Variants in TENM4 observed in about 807,000 individuals in gnomAD.
TENM4 encodes teneurin-4.
A neutral mutation model predicts 243.3 loss-of-function variants in TENM4; 82 were observed. That is an observed-to-expected ratio of 0.34 (90% CI 0.28 to 0.40). TENM4 has a LOEUF of 0.40. TENM4 is among the 10% of genes least tolerant of loss of function. The pLI is 1.00. For synonymous variants in TENM4, 1,412 were observed against 1,456.3 expected (o/e 0.97, Z 0.69); for missense variants, 3,138 against 3,673.3 (o/e 0.85, Z 3.77).
intron 3 of TENM4, chr11:79,191,536 G>A (rs1158821490): frequency 3.7e-5 from 6 of 162,110 alleles, no homozygotes; most frequent in East Asian, 2.0e-4. Flanking sequence ...TGCAGCCTCT[G>A]CCCGGCCGCC....
chr11:78,749,358 C>CCT (rs1555075217), intron 19 of TENM4: 6 of 144,404 alleles, frequency 4.2e-5, no homozygotes, highest in Admixed American at 6.9e-5. Context: ...TCTTTCTTTC[C>CCT]TTTTTTTTTT....
At chr11:78,697,721 G>A (rs1356445240) in intron 28 of TENM4, among the ~76,000 whole-genome samples, 2 of 152,170 alleles carry the variant, frequency 1.3e-5, no homozygotes, top group East Asian at 3.9e-4. Flanking sequence ...AGTAGTTAAG[G>A]TGAGCATAAT....
chr11:78,854,377 CG>C, intron 11 of TENM4, 63 bp from the exon 12 acceptor site: 1 of 1,392,622 alleles, frequency 7.2e-7, no homozygotes. Flanking sequence ...GCGTCCTTCC[CG>C]GGGCTTCTCC....
At chr11:79,071,789 G>T (rs1044643853) in intron 4 of TENM4, among the ~76,000 whole-genome samples, 1 of 152,058 alleles carries the variant, frequency 6.6e-6, no homozygotes, top group Non-Finnish European at 1.5e-5. Flanking sequence ...TATTATAGAT[G>T]AAGCTACAGT....
chr11:79,061,399 A>G (rs772017047), intron 6 of TENM4, among the ~76,000 whole-genome samples: 5 of 152,092 alleles, frequency 3.3e-5, no homozygotes, highest in Non-Finnish European at 7.3e-5. Flanking sequence ...TCCTCTGCCC[A>G]CCCGTCTACC....
At chr11:79,341,153 C>T (rs575328369) in intron 1 of TENM4, among the ~76,000 whole-genome samples, 1 of 152,144 alleles carries the variant, frequency 6.6e-6, no homozygotes, top group South Asian at 2.1e-4. Context: ...CCAGCCCTGC[C>T]AACGCCTTTA....
chr11:79,107,860 AT>A (rs1330089458), intron 4 of TENM4, among the ~76,000 whole-genome samples: 1 of 152,218 alleles, frequency 6.6e-6, no homozygotes, highest in Non-Finnish European at 1.5e-5. Flanking sequence ...AGGACCCTGG[AT>A]TGGGAAAATC....
intron 1 of TENM4, among the ~76,000 whole-genome samples, chr11:79,404,734 A>G (rs1353416477): frequency 1.3e-5 from 2 of 152,244 alleles, no homozygotes; most frequent in African/African-American, 4.8e-5. Flanking sequence ...TGATTGGAAC[A>G]TACCCACCTG....
chr11:79,067,927 G>C (rs1011750636), intron 5 of TENM4: 2 of 152,142 alleles, frequency 1.3e-5, no homozygotes, highest in Non-Finnish European at 2.9e-5. Context: ...ACCTTCAAAG[G>C]ATTTTTGAGG....
chr11:78,863,052 T>C lies in TENM4; in HGVS notation c.1165A>G (p.Ser389Gly), dbSNP rs918147101. 1.3e-6 allele frequency: 2 copies of C among 1,539,036 alleles called. No homozygotes were observed. Among genetic ancestry groups the C allele is most frequent in the African/African-American group, 2.7e-5 (2 of 72,990 alleles). ...GAGACGTCGGTTGGCACAGGCCAACTGCTGGCTGTGTCCTCCGTGATCTCA... is the reference window on the plus strand; with the variant it reads ...GAGACGTCGGTTGGCACAGGCCAACCGCTGGCTGTGTCCTCCGTGATCTCA... ...MYEITEDTASSWPVPTDVSLY... is the reference protein window; with the variant it reads ...MYEITEDTASGWPVPTDVSLY... The change falls in exon 10 of 34, where the codon AGT becomes GGT. Residue 389 changes from serine (S) to glycine (G), a missense_variant. Ser to Gly is a moderately conservative substitution (Grantham distance 56). This residue lies in a region of TENM4 where 671 missense variants were observed against 614.1 expected (regional missense o/e 1.09). Coordinates refer to ENST00000278550, the MANE Select transcript of TENM4 (RefSeq NM_001098816.3).
intron 2 of TENM4, among the ~76,000 whole-genome samples, chr11:79,240,008 C>T (rs12795695): frequency 0.18 from 26,715 of 152,060 alleles, 2,489 homozygotes; most frequent in East Asian, 0.33. Context: ...CCTTTCCAAA[C>T]GCAAGGTACT....
At position 79,064,842 on chromosome 11, in the gene TENM4, C is replaced by T. The variant is rs955778763; in HGVS notation, c.389G>A (p.Arg130His). 2.3e-5 allele frequency: 35 copies of T among 1,551,336 alleles called. No homozygotes were observed. Among genetic ancestry groups the T allele is most frequent in the Middle Eastern group, 1.7e-4 (1 of 6,014 alleles). Residue 130 changes from arginine (R) to histidine (H), a missense_variant, in exon 6 of 34, where the codon CGT (arginine) becomes CAT (histidine). By Grantham distance (29) the Arg-to-His change is conservative. Coordinates refer to ENST00000278550, the MANE Select transcript of TENM4 (RefSeq NM_001098816.3). ...TGACCGTGTGCTCCGGCCCCACAGA[C>T]GCACGGGGTGCTCAGGGGACAGCAC... ...DTVLSPEHPV[R>H]LWGRSTRSGR... is the part of the protein sequence containing the mutation.
At chr11:78,942,320 G>A (rs35528092) in intron 6 of TENM4, among the ~76,000 whole-genome samples, 10 of 123,766 alleles carry the variant, frequency 8.1e-5, no homozygotes, top group South Asian at 2.8e-4. Flanking sequence ...GGTGGCATGC[G>A]CCTGTAGTTC....
At chr11:79,101,147 G>A (rs1308488864) in intron 4 of TENM4, among the ~76,000 whole-genome samples, 2 of 152,178 alleles carry the variant, frequency 1.3e-5, no homozygotes, top group Non-Finnish European at 2.9e-5. Flanking sequence ...TGTTTCTTAA[G>A]CTAGCTGGTG....
intron 2 of TENM4, among the ~76,000 whole-genome samples, chr11:79,292,624 G>A (rs1014257114): frequency 2.6e-5 from 4 of 152,196 alleles, no homozygotes; most frequent in East Asian, 1.9e-4. Context: ...CATGGGCATC[G>A]GCTGTGGCTA....
intron 6 of TENM4, among the ~76,000 whole-genome samples, chr11:78,918,231 C>T (rs561417542): frequency 2.4e-4 from 36 of 152,222 alleles, no homozygotes; most frequent in African/African-American, 4.8e-4. Flanking sequence ...CTGTGGTCCT[C>T]GTCAATGCCC....
Position 79,440,245 on chromosome 11 carries a change from C to A in TENM4, c.-321+264G>T, listed in dbSNP as rs1020234684. Among the ~76,000 whole-genome samples, 1 of 152,108 alleles carries A rather than the reference C, an allele frequency of 6.6e-6. No homozygotes were observed. Among genetic ancestry groups the A allele is most frequent in the Non-Finnish European group, 1.5e-5 (1 of 67,990 alleles). On this transcript the variant is annotated intron_variant, in intron 1 of 33. Transcript: ENST00000278550. This position sits in a 1 kb window ranked among gnomAD's most constrained non-coding sequence, Gnocchi z 4.7. ...TCCCACCTCCCTGCCCTCCCCCAAC[C>A]CTTGCTCCCAGGCTCCAGTCCGCGG... is the stretch of plus-strand genomic sequence containing the variant.
intron 7 of TENM4, among the ~76,000 whole-genome samples, chr11:78,893,028 G>T (rs1382737166): frequency 6.6e-6 from 1 of 152,220 alleles, no homozygotes; most frequent in Non-Finnish European, 1.5e-5. Flanking sequence ...GAAGCATATG[G>T]CAACACTATT....
chr11:78,930,135 G>T (rs1336916773), intron 6 of TENM4, among the ~76,000 whole-genome samples: 4 of 152,298 alleles, frequency 2.6e-5, no homozygotes, highest in African/African-American at 9.6e-5. Context: ...CTAAGCTTGT[G>T]ACCTTGGGCA....
Sources: gnomAD v4.1 joint callset for allele counts (sites outside exome capture counted in the v4.1 genomes callset) on GRCh38, gnomAD v4.1.1 for gene constraint, gnomAD v4.1.1 regional missense constraint, Gnocchi (gnomAD v3.1) non-coding constraint, MANE v1.5 for transcripts, NCBI Gene and HGNC (gene_info 2026-07-23, HGNC 2026-07-21) for gene names.